Variants in OPCML observed in about 807,000 individuals in gnomAD.
OPCML encodes the protein opioid-binding protein/cell adhesion molecule.
In OPCML, 13 loss-of-function variants were observed where a neutral mutation model predicts 37.8. That is an observed-to-expected ratio of 0.34 (90% CI 0.22 to 0.55). The LOEUF is 0.55. Ranked by LOEUF, OPCML falls within the 20% of genes least tolerant of loss-of-function variation. The pLI is 0.91. For synonymous variants in OPCML, 176 were observed against 168.8 expected, an observed-to-expected ratio of 1.04 and a Z score of -0.33; for missense variants, 341 against 435.6, an observed-to-expected ratio of 0.78 and a Z score of 1.93.
chr11:133,120,538 G>A (rs962761660), intron 1 of OPCML, among the ~76,000 whole-genome samples: 1 of 152,192 alleles, frequency 6.6e-6, no homozygotes, highest in Non-Finnish European at 1.5e-5. Context: ...AGGCATGGCT[G>A]CCTCCAGGGC....
At chr11:133,064,193 G>A (rs1156808120) in intron 1 of OPCML, among the ~76,000 whole-genome samples, 3 of 152,190 alleles carry the variant, frequency 2.0e-5, no homozygotes, top group Non-Finnish European at 4.4e-5. Context: ...GGGAAGGAGA[G>A]GAACGCCGGC....
At position 132,415,690 on chromosome 11, in the gene OPCML, C is replaced by G. The variant is rs940655677; in HGVS notation, c.*4503G>C. ...TAGCTCACTACTTTCAGGATAAAGACAACTGCATCTAATTAAGTCCACTCC... is the reference window on the plus strand; with the variant it reads ...TAGCTCACTACTTTCAGGATAAAGAGAACTGCATCTAATTAAGTCCACTCC... On this transcript the variant is annotated 3_prime_UTR_variant, in exon 8 of 8. Transcript: ENST00000524381. The G allele has an allele frequency of 6.6e-6, 1 of 152,544 alleles. No individual in the cohort carries two copies. Among genetic ancestry groups the G allele is most frequent in the African/African-American group, 2.4e-5 (1 of 41,454 alleles). The allele number at this position is 152,544 out of a possible 1,614,324, so 9.4% of individuals were successfully genotyped here. A position where few individuals can be genotyped will look rare whatever the true frequency, so the allele number is the denominator to read the frequency against.
At chr11:132,895,861 C>T (rs1050405422) in intron 2 of OPCML, among the ~76,000 whole-genome samples, 2 of 152,010 alleles carry the variant, frequency 1.3e-5, no homozygotes, top group African/African-American at 2.4e-5. Context: ...CCAGCAGGCC[C>T]CTAGAGGTGA....
intron 1 of OPCML, among the ~76,000 whole-genome samples, chr11:133,472,016 T>G (rs1287546855): frequency 6.6e-6 from 1 of 152,234 alleles, no homozygotes; most frequent in Admixed American, 6.5e-5. Flanking sequence ...ACTTTGTGCT[T>G]TGACAGACCC....
chr11:132,844,332 G>A (rs776819356), intron 2 of OPCML, among the ~76,000 whole-genome samples: 3 of 152,178 alleles, frequency 2.0e-5, no homozygotes, highest in African/African-American at 2.4e-5. Flanking sequence ...GTGAAAACAC[G>A]GAGTCAGGAA....
chr11:132,869,926 A>G (rs939630074), intron 2 of OPCML, among the ~76,000 whole-genome samples: 6 of 152,204 alleles, frequency 3.9e-5, no homozygotes, highest in Admixed American at 6.5e-5. Context: ...ACAAAAAATA[A>G]TGATCCATGT....
At chr11:133,386,315 C>T (rs1042857173) in intron 1 of OPCML, among the ~76,000 whole-genome samples, 49 of 152,310 alleles carry the variant, frequency 3.2e-4, no homozygotes, top group South Asian at 4.1e-4. Flanking sequence ...AAGAAATAGA[C>T]TTTTGTTGGA....
At chr11:133,483,995 A>C (rs1349052696) in intron 1 of OPCML, among the ~76,000 whole-genome samples, 1 of 151,514 alleles carries the variant, frequency 6.6e-6, no homozygotes, top group Non-Finnish European at 1.5e-5. Context: ...ATAGCTAGCT[A>C]GCTAGATAGA....
At chr11:133,483,683 G>A (rs895714597) in intron 1 of OPCML, among the ~76,000 whole-genome samples, 16 of 104,908 alleles carry the variant, frequency 1.5e-4, no homozygotes, top group African/African-American at 7.3e-4. Context: ...ATGATAGATA[G>A]ATAGATAGAT....
intron 1 of OPCML, among the ~76,000 whole-genome samples, chr11:133,499,528 C>CAAG (rs1947859329): frequency 1.3e-5 from 2 of 151,876 alleles, no homozygotes; most frequent in Non-Finnish European, 2.9e-5. Flanking sequence ...TCCTTGGTCC[C>CAAG]AAGGGAAGCC....
At chr11:133,532,119 C>T in intron 1 of OPCML, 145 bp downstream of exon 1, 1 of 1,351,466 alleles carries the variant, frequency 7.4e-7, no homozygotes, top group Non-Finnish European at 1.0e-6. Flanking sequence ...GTGCACACAG[C>T]AAGCCTACCT....
intron 2 of OPCML, among the ~76,000 whole-genome samples, chr11:132,821,914 T>G (rs1023232381): frequency 1.3e-5 from 2 of 152,048 alleles, no homozygotes; most frequent in African/African-American, 4.8e-5. Context: ...CTCTGCAGAG[T>G]AAAGGGAAGA....
chr11:132,755,191 T>G (rs1223325512), intron 2 of OPCML, among the ~76,000 whole-genome samples: 1 of 152,210 alleles, frequency 6.6e-6, no homozygotes, highest in African/African-American at 2.4e-5. Context: ...TCATGTAGAT[T>G]GAGCAATTGC....
intron 2 of OPCML, among the ~76,000 whole-genome samples, chr11:132,853,882 T>A (rs1253049906): frequency 6.6e-6 from 1 of 152,242 alleles, no homozygotes; most frequent in Non-Finnish European, 1.5e-5. Flanking sequence ...TTTTCCCCAC[T>A]CACCAAGCAA....
intron 2 of OPCML, among the ~76,000 whole-genome samples, chr11:132,897,504 C>T (rs1565945757): frequency 6.6e-6 from 1 of 152,324 alleles, no homozygotes; most frequent in East Asian, 1.9e-4. Flanking sequence ...CTACTCCTAT[C>T]ACACTGCCTT....
At chr11:133,338,958 C>T (rs1473628654) in intron 1 of OPCML, among the ~76,000 whole-genome samples, 1 of 152,154 alleles carries the variant, frequency 6.6e-6, no homozygotes, top group Non-Finnish European at 1.5e-5. Flanking sequence ...ATCCCTGTTC[C>T]TGTTGTCCCT....
At position 133,266,428 on chromosome 11, in the gene OPCML, C is replaced by G. The variant is rs1283845789; in HGVS notation, c.61+265836G>C. Among the ~76,000 whole-genome samples the G allele has an allele frequency of 2.0e-5, 3 of 152,268 alleles. No homozygotes were observed. In the South Asian group the frequency reaches 6.2e-4, roughly 32 times the overall value. ...CCTTAGACATTCCCTCAAGGATCTC[C>G]CCCTGGTCTCTAAGTCTAGATTACA... is the stretch of plus-strand genomic sequence containing the variant. On this transcript the variant is annotated intron_variant, in intron 1 of 7. Coordinates refer to ENST00000524381, the MANE Select transcript of OPCML (RefSeq NM_001012393.5).
chr11:133,166,651 T>G (rs2137230918), intron 1 of OPCML, among the ~76,000 whole-genome samples: 1 of 152,350 alleles, frequency 6.6e-6, no homozygotes, highest in Non-Finnish European at 1.5e-5. Context: ...CAGCTTGATG[T>G]GCAGGCTGGC....
chr11:133,128,265 C>G (rs930726965), intron 1 of OPCML, among the ~76,000 whole-genome samples: 3 of 152,152 alleles, frequency 2.0e-5, no homozygotes, highest in African/African-American at 7.2e-5. Context: ...CTCAAATACC[C>G]CTATGGAGGT....
Sources: allele counts gnomAD v4.1 joint callset (sites outside exome capture counted in the v4.1 genomes callset), GRCh38; gene constraint gnomAD v4.1.1; transcripts MANE v1.5; gene names NCBI Gene and HGNC (gene_info 2026-07-23, HGNC 2026-07-21).